Variants in CNTN4 observed in about 807,000 individuals in gnomAD.
CNTN4 encodes the protein contactin 4.
In CNTN4, 77 loss-of-function variants were observed where a neutral mutation model predicts 122.5. The observed-to-expected ratio is 0.63, with a 90% CI of 0.52 to 0.76. The LOEUF (loss-of-function observed/expected upper bound fraction) is 0.76. CNTN4 is among the 30% of genes least tolerant of loss of function. The pLI is 0.00. For missense variants in CNTN4, 1,256 were observed against 1,259.1 expected, an observed-to-expected ratio of 1.00 and a Z score of 0.04; for synonymous variants, 512 against 447.0, an observed-to-expected ratio of 1.15 and a Z score of -1.83.
intron 13 of CNTN4, among the ~76,000 whole-genome samples, chr3:2,960,834 A>G (rs887021198): frequency 2.6e-5 from 4 of 152,158 alleles, no homozygotes; most frequent in Non-Finnish European, 5.9e-5. Context: ...GGCCAATGAA[A>G]TGGTAGTAGA....
intron 3 of CNTN4, among the ~76,000 whole-genome samples, chr3:2,481,028 T>TTTTCTTTTC (rs1400887898): frequency 1.7e-4 from 17 of 100,272 alleles, no homozygotes; most frequent in African/African-American, 5.6e-4. Context: ...TTTCTTTTCT[T>TTTTCTTTTC]TTTCTTTTCT....
intron 10 of CNTN4, among the ~76,000 whole-genome samples, chr3:2,892,463 C>T (rs964804280): frequency 6.6e-6 from 1 of 152,204 alleles, no homozygotes; most frequent in African/African-American, 2.4e-5. Context: ...TCACATCAGG[C>T]ATTTTAGCCA....
intron 6 of CNTN4, among the ~76,000 whole-genome samples, chr3:2,771,179 C>G (rs1329048240): frequency 6.6e-6 from 1 of 152,162 alleles, no homozygotes; most frequent in Non-Finnish European, 1.5e-5. Context: ...GATAGGCATG[C>G]CACCTCTCCC....
chr3:2,153,854 A>G (rs974626287), intron 2 of CNTN4, among the ~76,000 whole-genome samples: 10 of 152,152 alleles, frequency 6.6e-5, no homozygotes, highest in Non-Finnish European at 1.5e-4. Flanking sequence ...TAAATTTCAC[A>G]TGGGGTAATG....
At chr3:2,648,280 C>T (rs760813286) in intron 4 of CNTN4, among the ~76,000 whole-genome samples, 2 of 152,132 alleles carry the variant, frequency 1.3e-5, no homozygotes, top group Non-Finnish European at 2.9e-5. Context: ...ACTGGCATGC[C>T]TTGTGTTATT....
intron 13 of CNTN4, among the ~76,000 whole-genome samples, chr3:2,931,732 G>A (rs563718919): frequency 1.2e-3 from 183 of 152,250 alleles, no homozygotes; most frequent in African/African-American, 3.8e-3. Context: ...GGGCAAAAGC[G>A]ATCCTCCCAC....
chr3:2,528,746 C>T (rs2077489355), intron 3 of CNTN4, among the ~76,000 whole-genome samples: 1 of 151,966 alleles, frequency 6.6e-6, no homozygotes, highest in Non-Finnish European at 1.5e-5. Flanking sequence ...CTTTAAAAAA[C>T]TCTTAATACT....
At chr3:2,761,280 G>A (rs773010820) in intron 6 of CNTN4, among the ~76,000 whole-genome samples, 1 of 152,032 alleles carries the variant, frequency 6.6e-6, no homozygotes, top group African/African-American at 2.4e-5. Flanking sequence ...CTTTATCTAG[G>A]ACCACAGAAA....
intron 3 of CNTN4, among the ~76,000 whole-genome samples, chr3:2,458,383 G>T (rs1457693079): frequency 6.6e-6 from 1 of 152,044 alleles, no homozygotes; most frequent in African/African-American, 2.4e-5. Context: ...GTCCTATAGG[G>T]TAAGTTGAGC....
At chr3:2,661,985 G>A (rs150123538) in intron 4 of CNTN4, among the ~76,000 whole-genome samples, 49 of 152,130 alleles carry the variant, frequency 3.2e-4, no homozygotes, top group Non-Finnish European at 6.3e-4. Context: ...TAACCTTCCT[G>A]CAGAGCAGAT....
In CNTN4 at chr3:2,723,894, A is replaced by G. The variant is rs182658312; in HGVS notation, c.56-12321A>G. Among the ~76,000 whole-genome samples, 9 of 152,224 alleles carry G rather than the reference A, an allele frequency of 5.9e-5. No individual in the cohort carries two copies. The East Asian group carries it at 1.7e-3, about 29-fold the overall frequency. Reference sequence around the variant, plus strand: ...AGTCCCTGTTCTGCAGCCTCTTATAACGGTGGCCTGTCTCCAGGCCTCTCT... The same window carrying G: ...AGTCCCTGTTCTGCAGCCTCTTATAGCGGTGGCCTGTCTCCAGGCCTCTCT... On this transcript the variant is annotated intron_variant, in intron 4 of 24. Coordinates refer to ENST00000418658, the MANE Select transcript of CNTN4 (RefSeq NM_175607.3).
At chr3:2,346,002 G>A (rs1231848026) in intron 3 of CNTN4, among the ~76,000 whole-genome samples, 3 of 152,034 alleles carry the variant, frequency 2.0e-5, no homozygotes, top group East Asian at 1.9e-4. Flanking sequence ...TTTCAGCAGC[G>A]TGTAGTTGGA....
At chr3:2,404,037 C>T (rs923769270) in intron 3 of CNTN4, among the ~76,000 whole-genome samples, 2 of 152,084 alleles carry the variant, frequency 1.3e-5, no homozygotes, top group Non-Finnish European at 2.9e-5. Context: ...ATTATCTATC[C>T]ACAGTGGTTA....
At chr3:2,768,512 G>T (rs773083774) in intron 6 of CNTN4, among the ~76,000 whole-genome samples, 1 of 152,134 alleles carries the variant, frequency 6.6e-6, no homozygotes, top group African/African-American at 2.4e-5. Flanking sequence ...TTGCTGTAGA[G>T]AGCTTGTGAT....
chr3:2,530,237 C>G (rs1346686036), intron 3 of CNTN4, among the ~76,000 whole-genome samples: 1 of 151,374 alleles, frequency 6.6e-6, no homozygotes, highest in African/African-American at 2.4e-5. Flanking sequence ...CACTGCTTGA[C>G]AAATATAATA....
At chr3:2,384,762 G>C (rs577004919) in intron 3 of CNTN4, among the ~76,000 whole-genome samples, 2 of 50,274 alleles carry the variant, frequency 4.0e-5, no homozygotes, top group East Asian at 8.3e-4. Context: ...CAATGTGTGC[G>C]TGTGTGTGTG....
intron 3 of CNTN4, among the ~76,000 whole-genome samples, chr3:2,430,573 A>C (rs2048029570): frequency 7.0e-6 from 1 of 142,054 alleles, no homozygotes; most frequent in Admixed American, 7.7e-5. Flanking sequence ...TTTTTTAATA[A>C]ATTTTTTGTT....
intron 3 of CNTN4, among the ~76,000 whole-genome samples, chr3:2,481,614 C>T (rs1390455826): frequency 6.6e-6 from 1 of 152,096 alleles, no homozygotes; most frequent in African/African-American, 2.4e-5. Context: ...TTGAAGATAA[C>T]AAGGAGAAAA....
chr3:2,323,036 A>G (rs1153482), intron 2 of CNTN4, among the ~76,000 whole-genome samples: 126,132 of 152,064 alleles, frequency 0.83, 52,812 homozygotes, highest in East Asian at 1. Context: ...CATCTCAGCT[A>G]CACAGAGCCT....
Sources: allele counts gnomAD v4.1 joint callset (sites outside exome capture counted in the v4.1 genomes callset), GRCh38; gene constraint gnomAD v4.1.1; transcripts MANE v1.5; gene names NCBI Gene and HGNC (gene_info 2026-07-23, HGNC 2026-07-21).